EFCC1: variants seen among roughly 807,000 people sequenced by gnomAD.
EFCC1 encodes EF-hand and coiled-coil domain-containing protein 1.
EFCC1 carries 50 observed loss-of-function variants against 52.1 expected under a neutral mutation model. The ratio of observed to expected loss-of-function variants is 0.96; its 90% CI spans 0.76 to 1.21. EFCC1 has a LOEUF of 1.21. Ranked by LOEUF, EFCC1 falls within the 50% of genes most tolerant of loss-of-function variation. The pLI is 0.00. For missense variants in EFCC1, 837 were observed against 867.3 expected, an observed-to-expected ratio of 0.97 and a Z score of 0.44; for synonymous variants, 399 against 396.5, an observed-to-expected ratio of 1.01 and a Z score of -0.08.
intron 2 of EFCC1, among the ~76,000 whole-genome samples, chr3:129,029,939 C>G (rs1946236611): frequency 6.6e-6 from 1 of 151,320 alleles, no homozygotes; most frequent in Non-Finnish European, 1.5e-5. Flanking sequence ...AATCCCAACA[C>G]TTTGTGAGGC....
At chr3:129,035,270 C>T (rs1946340686) in intron 5 of EFCC1, among the ~76,000 whole-genome samples, 2 of 152,196 alleles carry the variant, frequency 1.3e-5, no homozygotes, top group African/African-American at 4.8e-5. Flanking sequence ...ACCACACGCT[C>T]GGTGCTGATG....
At chr3:129,011,317 G>A (rs371246000) in intron 2 of EFCC1, among the ~76,000 whole-genome samples, 2 of 152,268 alleles carry the variant, frequency 1.3e-5, no homozygotes, top group South Asian at 2.1e-4. Flanking sequence ...TTGGGAGGCC[G>A]AAGTGGGTGG....
At chr3:129,030,633 C>T in intron 2 of EFCC1, 70 bp from the exon 3 acceptor site, 5 of 1,488,740 alleles carry the variant, frequency 3.4e-6, no homozygotes, top group Non-Finnish European at 4.5e-6. Context: ...ACAGCTTGCC[C>T]ATGTACAGTG....
At chr3:129,022,166 A>T (rs1410167128) in intron 2 of EFCC1, among the ~76,000 whole-genome samples, 1 of 152,228 alleles carries the variant, frequency 6.6e-6, no homozygotes, top group Non-Finnish European at 1.5e-5. Context: ...AAATATTACC[A>T]GGGGCAGGAG....
intron 2 of EFCC1, among the ~76,000 whole-genome samples, chr3:129,020,267 A>G (rs1945776960): frequency 6.6e-6 from 1 of 152,090 alleles, no homozygotes; most frequent in South Asian, 2.1e-4. Context: ...TTAAGTGCCT[A>G]CTCTGTGCCA....
intron 2 of EFCC1, among the ~76,000 whole-genome samples, chr3:129,022,271 T>A (rs1488981691): frequency 6.6e-6 from 1 of 152,176 alleles, no homozygotes; most frequent in Non-Finnish European, 1.5e-5. Flanking sequence ...GTTGACTGAT[T>A]AATCAATGAG....
chr3:129,027,534 C>T (rs1385065928), intron 2 of EFCC1, among the ~76,000 whole-genome samples: 1 of 152,216 alleles, frequency 6.6e-6, no homozygotes, highest in Non-Finnish European at 1.5e-5. Flanking sequence ...GCAGGGCTTC[C>T]ACCTGCGCAG....
chr3:129,002,074 TC>T lies in EFCC1; in HGVS notation c.447del (p.Cys150ValfsTer80), dbSNP rs780135100. On this transcript the variant is annotated frameshift_variant, in exon 1 of 8. Coordinates refer to ENST00000683648, the MANE Select transcript of EFCC1 (RefSeq NM_001377500.1). LOFTEE classifies it high-confidence loss of function. ...ACCTTCCGCCAGTTCCACGCGCGCC[TC>T]TGTGGCTACTTCGGCACCCGTGCGG... ...ELTFRQFHAR[L>X]CGYFGTRAGP... 6.5e-6 allele frequency: 10 copies of T among 1,533,438 alleles called. No homozygotes were observed. In the South Asian group the frequency reaches 1.2e-4, roughly 19 times the overall value. The allele number at this position is 1,533,438 out of a possible 1,614,324, so 95.0% of individuals were successfully genotyped here. A position where few individuals can be genotyped will look rare whatever the true frequency, so the allele number is the denominator to read the frequency against.
At chr3:129,007,892 A>G (rs897266180) in intron 2 of EFCC1, among the ~76,000 whole-genome samples, 3 of 152,192 alleles carry the variant, frequency 2.0e-5, no homozygotes, top group Admixed American at 2.0e-4. Context: ...GCATTCAACC[A>G]TACTAATTTT....
At chr3:129,008,125 T>G (rs181955234) in intron 2 of EFCC1, among the ~76,000 whole-genome samples, 1 of 152,392 alleles carries the variant, frequency 6.6e-6, no homozygotes, top group East Asian at 1.9e-4. Context: ...AGACCAGTTT[T>G]TAATTTTGAT....
intron 2 of EFCC1, among the ~76,000 whole-genome samples, chr3:129,015,232 C>T (rs374471495): frequency 6.6e-6 from 1 of 152,230 alleles, no homozygotes; most frequent in Non-Finnish European, 1.5e-5. Context: ...TTTGGGCATA[C>T]GGCTCCCTCC....
chr3:129,034,112 G>C (rs929642404), intron 4 of EFCC1, 52 bp from the exon 5 acceptor site: 4 of 1,610,060 alleles, frequency 2.5e-6, no homozygotes, highest in Non-Finnish European at 3.4e-6. Context: ...GCTGGACAGA[G>C]CGGGCTCTGG....
At chr3:129,039,587 C>G (rs907841014) in intron 7 of EFCC1, 125 bp from the exon 8 acceptor site, 5 of 1,421,458 alleles carry the variant, frequency 3.5e-6, no homozygotes, top group Non-Finnish European at 4.7e-6. Context: ...AGCGAGGAAG[C>G]TGGGCAGGGC....
chr3:129,001,714 G>C lies in EFCC1; in HGVS notation c.86G>C (p.Trp29Ser). The C allele has an allele frequency of 6.6e-7, 1 of 1,513,926 alleles. No homozygotes were observed. The highest frequency in any genetic ancestry group is 8.8e-7 in the Non-Finnish European group (1 of 1,133,734). 93.8% of individuals were successfully genotyped at this position (1,513,926 alleles called of 1,614,324 possible). A position where few individuals can be genotyped will look rare whatever the true frequency, so the allele number is the denominator to read the frequency against. ...CGGCGACCTGCGCGGCGCACGCAGT[G>C]GCTGCTGAGCGCCCTGGCGCACCAC... ...PYRRPARRTQ[W>S]LLSALAHHYG... is the part of the protein sequence containing the mutation. Residue 29 changes from tryptophan to serine, a missense_variant, in exon 1 of 8, where the codon TGG becomes TCG. Physicochemically the swap from Trp to Ser is radical, Grantham distance 177. Coordinates refer to ENST00000683648, the MANE Select transcript of EFCC1 (RefSeq NM_001377500.1).
intron 2 of EFCC1, among the ~76,000 whole-genome samples, chr3:129,015,362 C>T (rs1438996645): frequency 1.3e-5 from 2 of 152,168 alleles, no homozygotes; most frequent in Non-Finnish European, 2.9e-5. Context: ...TTCACGGCCC[C>T]TGGACTTTTC....
At chr3:129,003,737 G>C (rs573499924) in intron 1 of EFCC1, 57 bp from the exon 2 acceptor site, 1 of 1,300,288 alleles carries the variant, frequency 7.7e-7, no homozygotes, top group South Asian at 1.8e-5. Context: ...GCGGGCGTTC[G>C]TCTGGTGCAT....
chr3:129,014,456 G>A lies in EFCC1; in HGVS notation c.980+10379G>A, dbSNP rs145617808. Among the ~76,000 whole-genome samples the A allele has an allele frequency of 1.3e-5, 2 of 152,206 alleles. No individual in the cohort carries two copies. ...AGGGCCGCCTTCTCCCTGTATCCTC[G>A]CGTGGTCTTCCTTCTGTGTGTATTT... On this transcript the variant is annotated intron_variant, in intron 2 of 7. Transcript: ENST00000683648. This position sits in a 1 kb window ranked among gnomAD's most constrained non-coding sequence, Gnocchi z 4.3.
Position 129,003,774 on chromosome 3 carries a change from C to T in EFCC1, c.697-20C>T. 7.1e-7 allele frequency: 1 copy of T among 1,417,534 alleles called. No individual in the cohort carries two copies. Among genetic ancestry groups the T allele is most frequent in the South Asian group, 1.4e-5 (1 of 71,474 alleles). The allele number at this position is 1,417,534 out of a possible 1,614,324, so 87.8% of individuals were successfully genotyped here. Reference sequence around the variant, plus strand: ...TGGCTGGGGCACTTACCCCCTGCCCCTGCTGCCCTGTCCCCGCAGGTCGGA... The same window carrying T: ...TGGCTGGGGCACTTACCCCCTGCCCTTGCTGCCCTGTCCCCGCAGGTCGGA... On this transcript the variant is annotated intron_variant, in intron 1 of 7. Transcript: ENST00000683648.
At position 129,039,963 on chromosome 3, in the gene EFCC1, G is replaced by C. The variant is rs1377732088; in HGVS notation, c.*115G>C. 2.9e-6 allele frequency: 4 copies of C among 1,367,390 alleles called. No homozygotes were observed. Among genetic ancestry groups the C allele is most frequent in the Non-Finnish European group, 3.9e-6 (4 of 1,034,516 alleles). The allele number at this position is 1,367,390 out of a possible 1,614,324, so 84.7% of individuals were successfully genotyped here. The stretch of plus-strand genomic sequence containing the variant: ...GACCACCGTCACATCATCAGAACTT[G>C]AGTCTCTGCTGGCTCCTTCCAAGGT... On this transcript the variant is annotated 3_prime_UTR_variant, in exon 8 of 8. Coordinates refer to ENST00000683648, the MANE Select transcript of EFCC1 (RefSeq NM_001377500.1).
Sources: allele counts gnomAD v4.1 joint callset (sites outside exome capture counted in the v4.1 genomes callset), GRCh38; gene constraint gnomAD v4.1.1; non-coding constraint Gnocchi (gnomAD v3.1); transcripts MANE v1.5; gene names NCBI Gene and HGNC (gene_info 2026-07-23, HGNC 2026-07-21).